RUNX1: variants seen among roughly 807,000 people sequenced by gnomAD.
RUNX1 encodes runt-related transcription factor 1.
A neutral mutation model predicts 42.8 loss-of-function variants in RUNX1; 19 were observed. The ratio of observed to expected loss-of-function variants is 0.44; its 90% confidence interval spans 0.31 to 0.65. RUNX1 has a LOEUF of 0.65. Among genes scored for constraint, RUNX1 ranks in the 30% least tolerant of loss-of-function variants. RUNX1 has a pLI of 0.07. For missense variants in RUNX1, 528 were observed against 672.0 expected, an observed-to-expected ratio of 0.79 and a Z score of 2.37; for synonymous variants, 271 against 289.4, an observed-to-expected ratio of 0.94 and a Z score of 0.64.
At chr21:34,906,129 A>G (rs1265458642) in intron 2 of RUNX1, among the ~76,000 whole-genome samples, 4 of 152,238 alleles carry the variant, frequency 2.6e-5, no homozygotes, top group South Asian at 2.1e-4. Flanking sequence ...TATTTTTTAA[A>G]CTAATATATA....
At chr21:34,957,494 G>A (rs2058652795) in intron 2 of RUNX1, among the ~76,000 whole-genome samples, 1 of 152,122 alleles carries the variant, frequency 6.6e-6, no homozygotes, top group Non-Finnish European at 1.5e-5. Flanking sequence ...CTGGAATTCT[G>A]GGCAAGGGGT....
chr21:34,960,057 G>A (rs999595769), intron 2 of RUNX1, among the ~76,000 whole-genome samples: 1 of 152,152 alleles, frequency 6.6e-6, no homozygotes, highest in African/African-American at 2.4e-5. Flanking sequence ...AGACACAGAA[G>A]AGCAGAACTC....
intron 2 of RUNX1, among the ~76,000 whole-genome samples, chr21:34,974,346 A>G (rs1321290112): frequency 2.0e-5 from 3 of 151,816 alleles, no homozygotes; most frequent in African/African-American, 7.3e-5. Context: ...AGGGAACTCT[A>G]CGGAAACGAG....
chr21:34,801,256 G>A (rs1294472496), intron 7 of RUNX1, among the ~76,000 whole-genome samples: 7 of 151,824 alleles, frequency 4.6e-5, no homozygotes, highest in African/African-American at 7.3e-5. Context: ...AAAGCCCCCC[G>A]GGGTGTGAAC....
intron 2 of RUNX1, among the ~76,000 whole-genome samples, chr21:34,930,263 T>C (rs932955929): frequency 3.6e-5 from 3 of 84,392 alleles, no homozygotes; most frequent in East Asian, 4.8e-4. Context: ...TATACGTGTG[T>C]GTGTATGTAT....
intron 7 of RUNX1, among the ~76,000 whole-genome samples, chr21:34,821,962 C>T (rs747842553): frequency 5.3e-5 from 8 of 152,194 alleles, no homozygotes; most frequent in Non-Finnish European, 7.3e-5. Context: ...GTCTGGGCAA[C>T]GGCTTCTCTC....
chr21:34,864,889 T>G lies in RUNX1; in HGVS notation c.509-5311A>C, dbSNP rs1287334732. ...CTTGGAAGCAGTGAGAGAGAAGAAT[T>G]CCATATAAAATCCCATGAAGGTGGA... On this transcript the variant is annotated intron_variant, in intron 5 of 8. Transcript: ENST00000675419. Among the ~76,000 whole-genome samples the G allele has an allele frequency of 2.6e-5, 4 of 152,106 alleles. No homozygotes were observed. In the East Asian group the frequency reaches 5.8e-4, roughly 22 times the overall value.
At chr21:34,813,228 G>C (rs1286717509) in intron 7 of RUNX1, among the ~76,000 whole-genome samples, 1 of 152,072 alleles carries the variant, frequency 6.6e-6, no homozygotes, top group Non-Finnish European at 1.5e-5. Context: ...CAATGCACAG[G>C]ATGGCCCCTA....
chr21:34,923,642 C>A (rs907570015), intron 2 of RUNX1, among the ~76,000 whole-genome samples: 1 of 152,212 alleles, frequency 6.6e-6, no homozygotes, highest in East Asian at 1.9e-4. Context: ...TGACCCCATA[C>A]CTTCTGCTCT....
At chr21:34,821,174 C>CG in intron 7 of RUNX1, 1 of 999,682 alleles carries the variant, frequency 1.0e-6, no homozygotes, top group Non-Finnish European at 1.2e-6. Flanking sequence ...AAGGAGACAC[C>CG]GGGGGAATTA....
At position 34,792,028 on chromosome 21, in the gene RUNX1, C is replaced by T. The variant is rs886057045; in HGVS notation, c.*107G>A. The T allele has an allele frequency of 1.8e-4, 127 of 705,466 alleles. No homozygotes were observed. Among genetic ancestry groups the T allele is most frequent in the East Asian group, 3.2e-4 (7 of 21,602 alleles). 43.7% of individuals were successfully genotyped at this position (705,466 alleles called of 1,614,324 possible). A position where few individuals can be genotyped will look rare whatever the true frequency, so the allele number is the denominator to read the frequency against. On this transcript the variant is annotated 3_prime_UTR_variant, in exon 9 of 9. Transcript: ENST00000675419. The surrounding 1 kb of genome is among the most constrained non-coding windows in gnomAD (Gnocchi z 6.9). The stretch of plus-strand genomic sequence containing the variant: ...GCGCCCTCGGCCCCAGGACGGTGGC[C>T]GGGCCCAGGGCCCGGGATCCCGGCG...
chr21:34,923,284 C>A (rs1392472392), intron 2 of RUNX1, among the ~76,000 whole-genome samples: 1 of 152,202 alleles, frequency 6.6e-6, no homozygotes, highest in Non-Finnish European at 1.5e-5. Context: ...GATGAAATAT[C>A]TATATTTAAA....
chr21:34,915,312 G>C (rs2058304451), intron 2 of RUNX1, among the ~76,000 whole-genome samples: 1 of 152,210 alleles, frequency 6.6e-6, no homozygotes, highest in Admixed American at 6.5e-5. Context: ...ACTATGTGGA[G>C]ACAAGGGAGT....
intron 2 of RUNX1, among the ~76,000 whole-genome samples, chr21:35,031,220 C>T (rs1601691824): frequency 1.3e-5 from 2 of 152,290 alleles, no homozygotes; most frequent in African/African-American, 4.8e-5. Flanking sequence ...TGGTGGCGCA[C>T]ACCTGTAATC....
intron 2 of RUNX1, among the ~76,000 whole-genome samples, chr21:34,902,437 T>C (rs2058184487): frequency 1.3e-5 from 2 of 152,242 alleles, no homozygotes; most frequent in African/African-American, 2.4e-5. Context: ...AATTTCTACA[T>C]GGACAACTAA....
At chr21:34,912,525 T>A (rs1019329297) in intron 2 of RUNX1, among the ~76,000 whole-genome samples, 1 of 152,168 alleles carries the variant, frequency 6.6e-6, no homozygotes, top group African/African-American at 2.4e-5. Context: ...TGCAAATATA[T>A]GGTTTTTCTC....
At chr21:34,894,735 C>A (rs1049090309) in intron 2 of RUNX1, among the ~76,000 whole-genome samples, 1 of 152,088 alleles carries the variant, frequency 6.6e-6, no homozygotes, top group Non-Finnish European at 1.5e-5. Context: ...ATATGCCAGG[C>A]AATGGGTGAA....
At chr21:35,041,972 G>T (rs1228712806) in intron 2 of RUNX1, among the ~76,000 whole-genome samples, 2 of 152,092 alleles carry the variant, frequency 1.3e-5, no homozygotes, top group Non-Finnish European at 2.9e-5. Flanking sequence ...GGGGATTTTT[G>T]AGAGTTTAAA....
chr21:34,887,701 T>A, intron 3 of RUNX1: 1 of 1,063,432 alleles, frequency 9.4e-7, no homozygotes, highest in Non-Finnish European at 1.1e-6. Flanking sequence ...CACGTATATA[T>A]AAATATATAC....
Sources: allele counts gnomAD v4.1 joint callset (sites outside exome capture counted in the v4.1 genomes callset), GRCh38; gene constraint gnomAD v4.1.1; non-coding constraint Gnocchi (gnomAD v3.1); transcripts MANE v1.5; gene names NCBI Gene and HGNC (gene_info 2026-07-23, HGNC 2026-07-21).